The following RAPH1 variants were observed in gnomAD, a reference collection of about 807,000 sequenced individuals.
The protein encoded by RAPH1 is ras-associated and pleckstrin homology domains-containing protein 1.
RAPH1 carries 18 observed loss-of-function variants against 88.1 expected under a neutral mutation model. That is an observed-to-expected ratio of 0.20 (90% confidence interval 0.14 to 0.30). The LOEUF is 0.30. Ranked by LOEUF, RAPH1 falls within the 10% of genes least tolerant of loss-of-function variation. The probability of loss-of-function intolerance (pLI) is 1.00; values close to 1 mark genes in which losing one functional copy is unlikely to be tolerated. For missense variants in RAPH1, 1,448 were observed against 1,543.2 expected (o/e 0.94, Z 1.03); for synonymous variants, 587 against 559.0 (o/e 1.05, Z -0.71).
chr2:203,440,573 G>C lies in RAPH1; in HGVS notation c.2617C>G (p.Pro873Ala). ...KQIASQFPPPPTPPAMESQPL... is the reference protein window; with the variant it reads ...KQIASQFPPPATPPAMESQPL... ...TGAGATTCCATGGCAGGGGGAGTTG[G>C]AGGGGGTGGAAACTGGCTGGCTATC... The change falls in exon 14 of 14, where the codon CCA (proline) becomes GCA (alanine). Residue 873 changes from proline (P) to alanine (A), a missense_variant. By Grantham distance (27) the Pro-to-Ala change is conservative. This residue lies in a region of RAPH1 where 935 missense variants were observed against 890.1 expected (regional missense o/e 1.05). Transcript: ENST00000319170. 1 of 1,553,142 alleles carries C rather than the reference G, an allele frequency of 6.4e-7. No homozygotes were observed. Among genetic ancestry groups the C allele is most frequent in the South Asian group, 1.2e-5 (1 of 81,010 alleles).
intron 8 of RAPH1, 51 bp downstream of exon 8, chr2:203,457,479 T>C: frequency 6.8e-7 from 1 of 1,464,618 alleles, no homozygotes; most frequent in South Asian, 1.1e-5. Context: ...CCACCATGCC[T>C]GGCCTAATAT....
intron 12 of RAPH1, chr2:203,447,138 T>C (rs2098510522): frequency 6.6e-6 from 1 of 150,976 alleles, no homozygotes; most frequent in African/African-American, 2.4e-5. Flanking sequence ...GCTGCAGCCC[T>C]ATAATTTGCC....
intron 13 of RAPH1, chr2:203,444,076 G>A (rs1324323922): frequency 1.6e-5 from 2 of 126,012 alleles, no homozygotes; most frequent in African/African-American, 6.3e-5. Context: ...AGGGAGGGAG[G>A]GAAGTGAGGG....
In RAPH1 at chr2:203,506,896, A is replaced by T. The variant is rs1228605374; in HGVS notation, c.1-11543T>A. Among the ~76,000 whole-genome samples, 830 of 100,848 alleles carry T rather than the reference A, an allele frequency of 8.2e-3. 89 individuals carry two copies. Among genetic ancestry groups the T allele is most frequent in the African/African-American group, 0.043 (768 of 17,690 alleles). 66.2% of individuals were successfully genotyped at this position (100,848 alleles called of 152,430 possible). On this transcript the variant is annotated intron_variant, in intron 1 of 13. Transcript: ENST00000319170. The stretch of plus-strand genomic sequence containing the variant: ...TATATATATAGATATATATATATAT[A>T]TATTTTTTTTTTTTTTGAGATGAAC...
At chr2:203,507,352 A>G (rs1015195135) in intron 1 of RAPH1, among the ~76,000 whole-genome samples, 6 of 152,226 alleles carry the variant, frequency 3.9e-5, no homozygotes, top group Non-Finnish European at 7.3e-5. Flanking sequence ...TTTAAAAGTA[A>G]TTTAAAAACC....
At chr2:203,482,673 T>A (rs1238099964) in intron 4 of RAPH1, among the ~76,000 whole-genome samples, 4 of 152,124 alleles carry the variant, frequency 2.6e-5, no homozygotes, top group African/African-American at 9.6e-5. Context: ...CATGATATTG[T>A]ATGCCTGAGG....
At chr2:203,495,424 G>T in intron 1 of RAPH1, 71 bp from the exon 2 acceptor site, 1 of 1,452,104 alleles carries the variant, frequency 6.9e-7, no homozygotes, top group South Asian at 1.2e-5. Flanking sequence ...TGCCATATAT[G>T]CTCTGATATA....
At chr2:203,492,980 A>G (rs749553612) in intron 2 of RAPH1, among the ~76,000 whole-genome samples, 1 of 152,238 alleles carries the variant, frequency 6.6e-6, no homozygotes, top group Non-Finnish European at 1.5e-5. Context: ...TGAAAATACC[A>G]TACCACTGAG....
intron 1 of RAPH1, among the ~76,000 whole-genome samples, chr2:203,523,164 C>A (rs1345356956): frequency 2.0e-5 from 3 of 151,924 alleles, no homozygotes; most frequent in East Asian, 3.9e-4. Context: ...GAGGCCGAGG[C>A]GGGCGGATCA....
At position 203,489,711 on chromosome 2, in the gene RAPH1, T is replaced by A. The variant is rs566028813; in HGVS notation, c.605A>T (p.His202Leu). Residue 202 changes from histidine (H) to leucine (L), a missense_variant, in exon 4 of 14, where the codon CAC (histidine) becomes CTC (leucine). By Grantham distance (99) the His-to-Leu change is moderately conservative (BLOSUM62 -3). Coordinates refer to ENST00000319170, the MANE Select transcript of RAPH1 (RefSeq NM_213589.3). ...GGAATGGGAGGAATTACTAATAGAGTGTACTTCAGCATCACTCACTGTGCC... is the reference window on the plus strand; with the variant it reads ...GGAATGGGAGGAATTACTAATAGAGAGTACTTCAGCATCACTCACTGTGCC... ...SAGTVSDAEV[H>L]SISNSSHSSI... 2.5e-5 allele frequency: 40 copies of A among 1,613,996 alleles called. No homozygotes were observed. In the African/African-American group the frequency reaches 4.9e-4, roughly 20 times the overall value.
chr2:203,479,267 T>C (rs1413706871), intron 4 of RAPH1, among the ~76,000 whole-genome samples: 1 of 152,174 alleles, frequency 6.6e-6, no homozygotes, highest in Non-Finnish European at 1.5e-5. Flanking sequence ...CTTGCACAAG[T>C]GTCCATTATA....
chr2:203,517,738 T>A (rs1489972848), intron 1 of RAPH1, among the ~76,000 whole-genome samples: 1 of 151,996 alleles, frequency 6.6e-6, no homozygotes, highest in Non-Finnish European at 1.5e-5. Context: ...TCAAAATACA[T>A]GAGATTACAC....
At chr2:203,508,499 C>T (rs1293230502) in intron 1 of RAPH1, among the ~76,000 whole-genome samples, 1 of 152,102 alleles carries the variant, frequency 6.6e-6, no homozygotes, top group African/African-American at 2.4e-5. Flanking sequence ...CCCTTGGCAC[C>T]AGGGGGACTG....
intron 7 of RAPH1, 108 bp downstream of exon 7, chr2:203,459,799 T>A: frequency 8.8e-7 from 1 of 1,138,304 alleles, no homozygotes; most frequent in Middle Eastern, 2.0e-4. Context: ...TGCAGGTATA[T>A]CGCTCCAACC....
chr2:203,477,645 G>A (rs1032168980), intron 4 of RAPH1, among the ~76,000 whole-genome samples: 1 of 152,122 alleles, frequency 6.6e-6, no homozygotes, highest in Non-Finnish European at 1.5e-5. Context: ...TCATTAGAAT[G>A]TACCTTGTAA....
In RAPH1 at chr2:203,459,917, T is replaced by C. The variant is rs779365966; in HGVS notation, c.1082A>G (p.Lys361Arg). The C allele has an allele frequency of 3.1e-6, 5 of 1,613,052 alleles. No homozygotes were observed. Among genetic ancestry groups the C allele is most frequent in the Admixed American group, 1.7e-5 (1 of 59,828 alleles). ...MERIEKYALF[K>R]NPQNYLLGKK... is the part of the protein sequence containing the mutation. ...GTTGTTTGGTCTTACCTGTGGGTTT[T>C]TGAAAAGTGCATATTTTTCTATACG... Residue 361 changes from lysine to arginine, a missense_variant, in exon 7 of 14, where the codon AAA becomes AGA. Around this residue, in one of 2 missense-constraint regions of RAPH1, gnomAD observed 513 missense variants for 653.1 expected, o/e 0.79. Coordinates refer to ENST00000319170, the MANE Select transcript of RAPH1 (RefSeq NM_213589.3).
At position 203,441,187 on chromosome 2, in the gene RAPH1, C is replaced by T. The variant is rs754886818; in HGVS notation, c.2003G>A (p.Ser668Asn). Residue 668 changes from serine (S) to asparagine (N), a missense_variant, in exon 14 of 14, where the codon AGC (serine) becomes AAC (asparagine). By Grantham distance (46) the Ser-to-Asn change is conservative. This residue lies in a region of RAPH1 where 935 missense variants were observed against 890.1 expected (regional missense o/e 1.05). Transcript: ENST00000319170. ...GSAAPMFVKY[S>N]TITRLQNASQ... ...CGCATTCTGTAGCCGTGTTATTGTG[C>T]TGTACTTGACGAACATTGGGGCTGC... is the stretch of plus-strand genomic sequence containing the variant. 1 of 1,608,056 alleles carries T rather than the reference C, an allele frequency of 6.2e-7. No homozygotes were observed. The highest frequency in any genetic ancestry group is 1.1e-5 in the South Asian group (1 of 90,818).
In RAPH1 at chr2:203,439,005, A is replaced by C. The variant is rs1329779603; in HGVS notation, c.*432T>G. On this transcript the variant is annotated 3_prime_UTR_variant, in exon 14 of 14. Coordinates refer to ENST00000319170, the MANE Select transcript of RAPH1 (RefSeq NM_213589.3). ...CACATTCTACATCTATTCCTTAGTTATATAATACACAACATGCACGAATAG... is the reference window on the plus strand; with the variant it reads ...CACATTCTACATCTATTCCTTAGTTCTATAATACACAACATGCACGAATAG... 6.2e-6 allele frequency: 1 copy of C among 162,398 alleles called. No homozygotes were observed. The highest frequency in any genetic ancestry group is 1.4e-5 in the Non-Finnish European group (1 of 73,138). 10.1% of individuals were successfully genotyped at this position (162,398 alleles called of 1,614,324 possible).
At chr2:203,484,243 A>G (rs1687864687) in intron 4 of RAPH1, among the ~76,000 whole-genome samples, 1 of 152,178 alleles carries the variant, frequency 6.6e-6, no homozygotes, top group Non-Finnish European at 1.5e-5. Flanking sequence ...CTTGATCTTT[A>G]TTAGAAACTT....
Sources: allele counts gnomAD v4.1 joint callset (sites outside exome capture counted in the v4.1 genomes callset), GRCh38; gene constraint gnomAD v4.1.1; regional missense constraint gnomAD v4.1.1; transcripts MANE v1.5; gene names NCBI Gene and HGNC (gene_info 2026-07-23, HGNC 2026-07-21).